Variants in RGPD2 observed in about 807,000 individuals in gnomAD.
The protein encoded by RGPD2 is RANBP2-like and GRIP domain-containing protein 2.
A neutral mutation model predicts 36.0 loss-of-function variants in RGPD2; 2 were observed. The ratio of observed to expected loss-of-function variants is 0.06; its 90% CI spans 0.02 to 0.17. The LOEUF (loss-of-function observed/expected upper bound fraction) is 0.17, where lower values mean the gene tolerates loss of function less well. Ranked by LOEUF, RGPD2 falls within the 10% of genes least tolerant of loss-of-function variation. The pLI is 1.00. For missense variants in RGPD2, 40 were observed against 464.3 expected, an observed-to-expected ratio of 0.09 and a Z score of 8.40; for synonymous variants, 19 against 163.8, an observed-to-expected ratio of 0.12 and a Z score of 6.75.
chr2:87,971,868 G>A, the RGPD2 span, among the ~76,000 whole-genome samples: 1 of 152,022 alleles, frequency 6.6e-6, no homozygotes. Flanking sequence ...ATAATAATCT[G>A]CTGAAATCAT....
At position 87,824,714 on chromosome 2, in the gene RGPD2, G is replaced by GGCCGCCGCCGCC. The variant is rs1163205537; in HGVS notation, c.72+932_72+943dup. Among the ~76,000 whole-genome samples the GGCCGCCGCCGCC allele has an allele frequency of 4.6e-3, 362 of 78,290 alleles. 4 individuals are homozygous for GGCCGCCGCCGCC. Among genetic ancestry groups the GGCCGCCGCCGCC allele is most frequent in the Middle Eastern group, 0.014 (2 of 146 alleles). 51.4% of individuals were successfully genotyped at this position (78,290 alleles called of 152,430 possible). A position where few individuals can be genotyped will look rare whatever the true frequency, so the allele number is the denominator to read the frequency against. ...GTAAGAGAGGTGAGGCCGAGGCCGA[G>GGCCGCCGCCGCC]GCCGCCGCCGCCGCCCGGCCAGGCC... On this transcript the variant is annotated intron_variant, in intron 1 of 22. Transcript: ENST00000398146.
At chr2:87,777,697 A>G (rs1284433200) in intron 20 of RGPD2, among the ~76,000 whole-genome samples, 2 of 152,144 alleles carry the variant, frequency 1.3e-5, no homozygotes, top group Non-Finnish European at 2.9e-5. Flanking sequence ...TCTGTCACAC[A>G]GGTTGGAGTG....
chr2:87,847,389 G>A, the RGPD2 span, among the ~76,000 whole-genome samples: 68 of 152,136 alleles, frequency 4.5e-4, no homozygotes, highest in African/African-American at 1.6e-3. Context: ...TATTGTAGGA[G>A]AGTTTGGTTT....
chr2:87,956,152 AT>A, the RGPD2 span, among the ~76,000 whole-genome samples: 4 of 132,948 alleles, frequency 3.0e-5, no homozygotes, highest in South Asian at 1.2e-3. Context: ...GCTTGAATGT[AT>A]GTTCTGGAAC....
chr2:87,879,283 C>T, the RGPD2 span, among the ~76,000 whole-genome samples: 122 of 151,938 alleles, frequency 8.0e-4, no homozygotes, highest in Middle Eastern at 0.024. Context: ...AGCATTTATC[C>T]TTTGTGTTAA....
chr2:87,973,434 G>C, the RGPD2 span, among the ~76,000 whole-genome samples: 1 of 134,436 alleles, frequency 7.4e-6, no homozygotes, highest in Non-Finnish European at 1.7e-5. Context: ...CTGTACCGCA[G>C]GTCTTTCCCA....
chr2:87,966,651 A>G, the RGPD2 span, among the ~76,000 whole-genome samples: 4 of 152,242 alleles, frequency 2.6e-5, no homozygotes, highest in African/African-American at 7.2e-5. Flanking sequence ...GAACTGGCCA[A>G]GCACAGTGGC....
chr2:87,934,450 T>C, the RGPD2 span, among the ~76,000 whole-genome samples: 2 of 136,846 alleles, frequency 1.5e-5, no homozygotes, highest in Admixed American at 1.5e-4. Context: ...TATGTCGTGG[T>C]GCCTTTTTAT....
At chr2:87,988,426 G>GAAA in the RGPD2 span, among the ~76,000 whole-genome samples, 25 of 118,346 alleles carry the variant, frequency 2.1e-4, no homozygotes, top group Non-Finnish European at 3.9e-4. Context: ...ATACATTACA[G>GAAA]AAAAAAAACA....
chr2:87,980,219 C>T, the RGPD2 span, among the ~76,000 whole-genome samples: 15 of 147,636 alleles, frequency 1.0e-4, no homozygotes, highest in African/African-American at 1.2e-4. Flanking sequence ...GGCATGGTGG[C>T]GGGCGCCTGT....
the RGPD2 span, among the ~76,000 whole-genome samples, chr2:87,973,406 G>A: frequency 1.5e-5 from 2 of 132,310 alleles, no homozygotes; most frequent in Non-Finnish European, 3.4e-5. Flanking sequence ...TACTCCCCGT[G>A]TGCACTGCCC....
the RGPD2 span, among the ~76,000 whole-genome samples, chr2:87,877,090 C>A: frequency 1.3e-5 from 2 of 152,198 alleles, no homozygotes; most frequent in African/African-American, 4.8e-5. Flanking sequence ...TTGATCCTAT[C>A]TGTGTCACTG....
chr2:87,885,418 G>A, the RGPD2 span, among the ~76,000 whole-genome samples: 2 of 151,932 alleles, frequency 1.3e-5, no homozygotes, highest in South Asian at 2.1e-4. Context: ...TAAAATTGAA[G>A]GCTTTTCCTT....
At chr2:87,813,658 T>C (rs1156313532) in intron 4 of RGPD2, among the ~76,000 whole-genome samples, 4 of 116,296 alleles carry the variant, frequency 3.4e-5, no homozygotes, top group Non-Finnish European at 5.3e-5. Flanking sequence ...TCTCTCCCTA[T>C]TGCAAAAGCC....
the RGPD2 span, among the ~76,000 whole-genome samples, chr2:87,854,812 TATAA>T: frequency 1.3e-5 from 2 of 152,168 alleles, no homozygotes; most frequent in Non-Finnish European, 2.9e-5. Context: ...GTTTTACAAA[TATAA>T]ATAAAGCTGT....
the RGPD2 span, among the ~76,000 whole-genome samples, chr2:87,849,064 ATGTATAT>A: frequency 2.0e-5 from 3 of 152,174 alleles, no homozygotes; most frequent in Non-Finnish European, 2.9e-5. Flanking sequence ...TAGTAACAGC[ATGTATAT>A]TGTCTTCACA....
At chr2:87,927,647 T>A in the RGPD2 span, among the ~76,000 whole-genome samples, 1 of 151,462 alleles carries the variant, frequency 6.6e-6, no homozygotes, top group African/African-American at 2.4e-5. Context: ...TTACTTAGGG[T>A]GTTGAGAGTT....
chr2:87,915,565 T>C, the RGPD2 span, among the ~76,000 whole-genome samples: 11 of 145,234 alleles, frequency 7.6e-5, no homozygotes, highest in South Asian at 2.1e-4. Context: ...TGTATATATA[T>C]ACACATATAT....
the RGPD2 span, among the ~76,000 whole-genome samples, chr2:87,905,646 T>A: frequency 6.6e-6 from 1 of 151,098 alleles, no homozygotes; most frequent in Admixed American, 6.6e-5. Context: ...AAATTAACAA[T>A]TAAAAGTAAC....
Sources: allele counts gnomAD v4.1 joint callset (sites outside exome capture counted in the v4.1 genomes callset), GRCh38; gene constraint gnomAD v4.1.1; transcripts MANE v1.5; gene names NCBI Gene and HGNC (gene_info 2026-07-23, HGNC 2026-07-21).